Variants in RHOJ observed in about 807,000 individuals in gnomAD.
RHOJ encodes ras homolog family member J, also known as rho-related GTP-binding protein RhoJ.
In RHOJ, 11 loss-of-function variants were observed where a neutral mutation model predicts 23.4. The ratio of observed to expected loss-of-function variants is 0.47; its 90% CI spans 0.30 to 0.78. The LOEUF (loss-of-function observed/expected upper bound fraction) is 0.78, where lower values mean the gene tolerates loss of function less well. RHOJ is among the 30% of genes least tolerant of loss of function. The pLI is 0.08. For synonymous variants in RHOJ, 102 were observed against 102.7 expected, an observed-to-expected ratio of 0.99 and a Z score of 0.04; for missense variants, 254 against 273.4, an observed-to-expected ratio of 0.93 and a Z score of 0.50.
intron 1 of RHOJ, among the ~76,000 whole-genome samples, chr14:63,248,589 C>G (rs1005198102): frequency 3.3e-5 from 5 of 152,162 alleles, no homozygotes; most frequent in Admixed American, 6.5e-5. Flanking sequence ...TTTTCTTCTG[C>G]AATTATATAA....
intron 1 of RHOJ, among the ~76,000 whole-genome samples, chr14:63,251,132 T>A (rs1052033586): frequency 1.3e-5 from 2 of 152,172 alleles, no homozygotes; most frequent in African/African-American, 4.8e-5. Flanking sequence ...GTTTTATATT[T>A]TCCTAGCAAG....
intron 1 of RHOJ, among the ~76,000 whole-genome samples, chr14:63,248,488 G>C (rs1354672285): frequency 6.6e-6 from 1 of 152,050 alleles, no homozygotes; most frequent in Non-Finnish European, 1.5e-5. Flanking sequence ...GTCATTCTAA[G>C]GTATCCAGAA....
chr14:63,255,545 C>A (rs1488426086), intron 1 of RHOJ, among the ~76,000 whole-genome samples: 2 of 152,050 alleles, frequency 1.3e-5, no homozygotes, highest in Admixed American at 6.6e-5. Context: ...TCACAAGAAC[C>A]ACCACCACCA....
At chr14:63,260,091 T>C (rs1895246965) in intron 1 of RHOJ, among the ~76,000 whole-genome samples, 1 of 152,236 alleles carries the variant, frequency 6.6e-6, no homozygotes, top group African/African-American at 2.4e-5. Flanking sequence ...TCACTATACC[T>C]AGACATTGTC....
At chr14:63,239,469 T>A (rs1894847426) in intron 1 of RHOJ, among the ~76,000 whole-genome samples, 1 of 152,190 alleles carries the variant, frequency 6.6e-6, no homozygotes, top group South Asian at 2.1e-4. Context: ...ATTTGGCCCA[T>A]GTTACAGGGA....
chr14:63,208,213 AG>A (rs1894155901), intron 1 of RHOJ, among the ~76,000 whole-genome samples: 2 of 152,226 alleles, frequency 1.3e-5, no homozygotes, highest in South Asian at 2.1e-4. Flanking sequence ...ATCAACGACC[AG>A]CTACAAAAAA....
At chr14:63,224,265 T>A (rs1248639828) in intron 1 of RHOJ, among the ~76,000 whole-genome samples, 1 of 152,248 alleles carries the variant, frequency 6.6e-6, no homozygotes, top group Non-Finnish European at 1.5e-5. Flanking sequence ...ACTGCATCTC[T>A]AAGAATGTAG....
intron 4 of RHOJ, among the ~76,000 whole-genome samples, chr14:63,283,450 T>G (rs1881977345): frequency 6.6e-6 from 1 of 152,246 alleles, no homozygotes; most frequent in Admixed American, 6.5e-5. Context: ...TTGGTGAATT[T>G]AAACAGCTGA....
At chr14:63,268,397 G>A (rs1366338494) in intron 1 of RHOJ, among the ~76,000 whole-genome samples, 2 of 152,128 alleles carry the variant, frequency 1.3e-5, no homozygotes, top group African/African-American at 2.4e-5. Context: ...TGGCAAAGTA[G>A]TAAGCTACTG....
chr14:63,287,807 G>C (rs1882128042), intron 4 of RHOJ, among the ~76,000 whole-genome samples: 1 of 152,148 alleles, frequency 6.6e-6, no homozygotes, highest in African/African-American at 2.4e-5. Flanking sequence ...AAACAAGGAG[G>C]CTTGAATCCT....
At chr14:63,283,454 C>T (rs1209574914) in intron 4 of RHOJ, among the ~76,000 whole-genome samples, 1 of 152,208 alleles carries the variant, frequency 6.6e-6, no homozygotes, top group Non-Finnish European at 1.5e-5. Context: ...TGAATTTAAA[C>T]AGCTGAAGCA....
intron 1 of RHOJ, among the ~76,000 whole-genome samples, chr14:63,247,596 A>G (rs1894998743): frequency 6.6e-6 from 1 of 152,208 alleles, no homozygotes; most frequent in Non-Finnish European, 1.5e-5. Context: ...CCCACTTATG[A>G]AAGTAAATTG....
chr14:63,269,119 C>A lies in RHOJ; in HGVS notation c.188C>A (p.Thr63Asn). 6.2e-7 allele frequency: 1 copy of A among 1,612,440 alleles called. No homozygotes were observed. The highest frequency in any genetic ancestry group is 1.3e-5 in the African/African-American group (1 of 75,000). ...TTCTCTTCTCCCCTAGTTACTGTGACTGTGGGAGGCAAGCAACACTTGCTC... is the reference window on the plus strand; with the variant it reads ...TTCTCTTCTCCCCTAGTTACTGTGAATGTGGGAGGCAAGCAACACTTGCTC... Reference protein sequence around the residue: ...TVFDHYAVTVTVGGKQHLLGL... With the variant: ...TVFDHYAVTVNVGGKQHLLGL... The change falls in exon 2 of 5, where the codon ACT (threonine) becomes AAT (asparagine). Residue 63 changes from threonine to asparagine, a missense_variant. Thr to Asn is a moderately conservative substitution (Grantham distance 65, BLOSUM62 0). Coordinates refer to ENST00000316754, the MANE Select transcript of RHOJ (RefSeq NM_020663.5).
intron 1 of RHOJ, among the ~76,000 whole-genome samples, chr14:63,205,808 T>G (rs755612973): frequency 1.3e-5 from 2 of 152,240 alleles, no homozygotes; most frequent in Non-Finnish European, 2.9e-5. Context: ...GTTCTAAAGT[T>G]TGTAGGTGTA....
chr14:63,230,425 G>A (rs757954772), intron 1 of RHOJ, among the ~76,000 whole-genome samples: 5 of 151,792 alleles, frequency 3.3e-5, no homozygotes, highest in African/African-American at 9.7e-5. Flanking sequence ...ATTATTTGGC[G>A]TGTCTATTCT....
At chr14:63,244,116 G>A (rs1894933370) in intron 1 of RHOJ, among the ~76,000 whole-genome samples, 1 of 152,174 alleles carries the variant, frequency 6.6e-6, no homozygotes. Flanking sequence ...GGATGATAGA[G>A]CTTCGACTTC....
At chr14:63,218,119 T>C (rs1294739754) in intron 1 of RHOJ, among the ~76,000 whole-genome samples, 1 of 152,236 alleles carries the variant, frequency 6.6e-6, no homozygotes, top group Non-Finnish European at 1.5e-5. Flanking sequence ...CAGGTTTATC[T>C]ACATTATAAT....
chr14:63,242,968 T>C (rs1023483267), intron 1 of RHOJ, among the ~76,000 whole-genome samples: 1 of 152,210 alleles, frequency 6.6e-6, no homozygotes, highest in Non-Finnish European at 1.5e-5. Flanking sequence ...ATATGTTGTG[T>C]CATCCACATC....
chr14:63,217,968 C>A (rs1488685225), intron 1 of RHOJ, among the ~76,000 whole-genome samples: 2 of 151,960 alleles, frequency 1.3e-5, no homozygotes, highest in African/African-American at 4.8e-5. Context: ...ACCTCTTTTT[C>A]TTTTTTCCCC....
Sources: gnomAD v4.1 joint callset for allele counts (sites outside exome capture counted in the v4.1 genomes callset) on GRCh38, gnomAD v4.1.1 for gene constraint, MANE v1.5 for transcripts, NCBI Gene and HGNC (gene_info 2026-07-23, HGNC 2026-07-21) for gene names.